ZNF608: variants seen among roughly 807,000 people sequenced by gnomAD.
ZNF608 encodes renal carcinoma antigen NY-REN-36.
In ZNF608, 12 loss-of-function variants were observed where a neutral mutation model predicts 109.0. The ratio of observed to expected loss-of-function variants is 0.11; its 90% confidence interval spans 0.07 to 0.18. The LOEUF is 0.18. ZNF608 is among the 10% of genes least tolerant of loss of function. The pLI, the probability that ZNF608 is intolerant of heterozygous loss-of-function variation, is 1.00. For missense variants in ZNF608, 1,707 were observed against 1,879.3 expected (o/e 0.91, Z 1.70); for synonymous variants, 732 against 717.4 (o/e 1.02, Z -0.33).
Position 124,746,171 on chromosome 5 carries a change from TACAC to T in ZNF608, c.-184+20_-184+23del. 1.0e-6 allele frequency: 1 copy of T among 985,014 alleles called. No individual in the cohort carries two copies. The highest frequency in any genetic ancestry group is 1.2e-6 in the Non-Finnish European group (1 of 829,682). The allele number at this position is 985,014 out of a possible 1,614,324, so 61.0% of individuals were successfully genotyped here. A position where few individuals can be genotyped will look rare whatever the true frequency, so the allele number is the denominator to read the frequency against. ...AAATAAATATACATACACACACACA[TACAC>T]ACACACAGACATTGCTTACCTTTTA... On this transcript the variant is annotated intron_variant, in intron 1 of 9. Transcript: ENST00000513986.
rs192637990 is a variant in ZNF608 at position 124,647,273 on chromosome 5, A to G, written c.3111T>C (p.Asp1037=). The G allele has an allele frequency of 1.4e-5, 22 of 1,614,194 alleles. No individual in the cohort carries two copies. The East Asian group carries it at 4.5e-4, about 33-fold the overall frequency. The change falls in exon 5 of 10, where the codon GAT becomes GAC. Residue 1037 remains aspartate, a synonymous_variant. Coordinates refer to ENST00000513986, the MANE Select transcript of ZNF608 (RefSeq NM_020747.3). ...GCTCTGCCTTGTCTTTCTTTTCAGC[A>G]TCTTCCTCAGACTCCTTCTTGATCT... ...GMKIKKESEE[D]AEKKDKAEQL... is the part of the protein sequence containing the mutation.
rs1294340633 is a variant in ZNF608, at chr5:124,644,459, G to C, written c.3908C>G (p.Ser1303Cys). The C allele has an allele frequency of 1.9e-6, 3 of 1,613,988 alleles. No homozygotes were observed. In the African/African-American group the frequency reaches 4.0e-5, roughly 22 times the overall value. Residue 1303 changes from serine to cysteine, a missense_variant, in exon 6 of 10, where the codon TCT (serine) becomes TGT (cysteine). By Grantham distance (112) the Ser-to-Cys change is moderately radical. Coordinates refer to ENST00000513986, the MANE Select transcript of ZNF608 (RefSeq NM_020747.3). ...CAGCTTGCTCTCCTCCATTGATTGAGAATCAGGATGCTTGGCCTCTTTGGG... is the reference window on the plus strand; with the variant it reads ...CAGCTTGCTCTCCTCCATTGATTGACAATCAGGATGCTTGGCCTCTTTGGG... ...EEPKEAKHPD[S>C]QSMEESKLKN...
rs115023872 is a variant in ZNF608, at chr5:124,663,693, C to T, written c.1163-13996G>A. On this transcript the variant is annotated intron_variant, in intron 3 of 9. Coordinates refer to ENST00000513986, the MANE Select transcript of ZNF608 (RefSeq NM_020747.3). ...ATGAATTAGTATATATGAATTAGTG[C>T]ACACTTTCCCAAACCGGTGAGCAGA... is the stretch of plus-strand genomic sequence containing the variant. 2.9e-3 allele frequency among the ~76,000 whole-genome samples: 434 copies of T among 152,276 alleles called. 3 individuals are homozygous for T. The highest frequency in any genetic ancestry group is 8.7e-3 in the African/African-American group (360 of 41,544).
chr5:124,694,420 G>A (rs1752759162), intron 3 of ZNF608, among the ~76,000 whole-genome samples: 1 of 151,912 alleles, frequency 6.6e-6, no homozygotes, highest in Admixed American at 6.6e-5. Flanking sequence ...AACTAAGATG[G>A]TATATGGTCC....
chr5:124,647,190 G>A lies in ZNF608; in HGVS notation c.3194C>T (p.Ser1065Leu), dbSNP rs202030130. Residue 1065 changes from serine (S) to leucine (L), a missense_variant, in exon 5 of 10, where the codon TCG (serine) becomes TTG (leucine). Physicochemically the swap from Ser to Leu is moderately radical, Grantham distance 145 (BLOSUM62 -2). Coordinates refer to ENST00000513986, the MANE Select transcript of ZNF608 (RefSeq NM_020747.3). ...GGCAGGATGTCTTTGTGTGATCACC[G>A]ACTGGTGCTGAGGCTGTAAGGATGC... ...NSASLQPQHQSVITQRHPALA... is the reference protein window; with the variant it reads ...NSASLQPQHQLVITQRHPALA... 26 of 1,614,160 alleles carry A rather than the reference G, an allele frequency of 1.6e-5. No homozygotes were observed. Among genetic ancestry groups the A allele is most frequent in the East Asian group, 4.5e-5 (2 of 44,878 alleles).
intron 3 of ZNF608, among the ~76,000 whole-genome samples, chr5:124,670,980 T>C (rs1027571699): frequency 6.6e-6 from 1 of 152,238 alleles, no homozygotes; most frequent in Non-Finnish European, 1.5e-5. Context: ...AGACTTGATA[T>C]GTAGAGCTGT....
chr5:124,693,257 G>A (rs1303394233), intron 3 of ZNF608, among the ~76,000 whole-genome samples: 1 of 152,084 alleles, frequency 6.6e-6, no homozygotes, highest in African/African-American at 2.4e-5. Context: ...ATTCTTTGCA[G>A]CCAATGAGAC....
chr5:124,649,909 C>G (rs537909459), intron 3 of ZNF608, among the ~76,000 whole-genome samples: 1 of 152,176 alleles, frequency 6.6e-6, no homozygotes, highest in South Asian at 2.1e-4. Context: ...CGTGCGCGTG[C>G]GCATGTGGTA....
chr5:124,646,921 T>G lies in ZNF608; in HGVS notation c.3463A>C (p.Lys1155Gln). 6.2e-7 allele frequency: 1 copy of G among 1,613,938 alleles called. No individual in the cohort carries two copies. The highest frequency in any genetic ancestry group is 8.5e-7 in the Non-Finnish European group (1 of 1,179,968). Residue 1155 changes from lysine to glutamine, a missense_variant, in exon 5 of 10, where the codon AAA becomes CAA. This residue lies in a region of ZNF608 where 1,073 missense variants were observed against 1,133.5 expected (regional missense o/e 0.95). Coordinates refer to ENST00000513986, the MANE Select transcript of ZNF608 (RefSeq NM_020747.3). ...QKNMPSATISKAPSTPEPNKN... is the reference protein window; with the variant it reads ...QKNMPSATISQAPSTPEPNKN... ...TTAGGCTCCGGAGTAGAGGGAGCTT[T>G]TGAGATTGTGGCCGATGGCATATTT...
At chr5:124,743,734 A>G (rs1352948502) in intron 2 of ZNF608, among the ~76,000 whole-genome samples, 1 of 152,172 alleles carries the variant, frequency 6.6e-6, no homozygotes, top group Non-Finnish European at 1.5e-5. Context: ...AGGGTGCATG[A>G]GCAGGTTTTC....
At chr5:124,677,057 T>TCTCC (rs1751976663) in intron 3 of ZNF608, among the ~76,000 whole-genome samples, 1 of 152,248 alleles carries the variant, frequency 6.6e-6, no homozygotes, top group Non-Finnish European at 1.5e-5. Flanking sequence ...TTGTTTCTTA[T>TCTCC]ATCTTATGCA....
At chr5:124,722,592 C>T (rs542067352) in intron 2 of ZNF608, among the ~76,000 whole-genome samples, 1 of 148,884 alleles carries the variant, frequency 6.7e-6, no homozygotes, top group Admixed American at 6.6e-5. Context: ...CACACACACA[C>T]ACACACACAC....
intron 2 of ZNF608, among the ~76,000 whole-genome samples, chr5:124,731,596 C>T (rs1416826127): frequency 6.6e-6 from 1 of 151,884 alleles, no homozygotes; most frequent in Non-Finnish European, 1.5e-5. Flanking sequence ...GAGGCTGAGG[C>T]GGGCAGATTA....
intron 2 of ZNF608, among the ~76,000 whole-genome samples, chr5:124,703,722 C>A (rs1285944227): frequency 6.6e-6 from 1 of 152,198 alleles, no homozygotes. Context: ...GAGCTATGAT[C>A]ATGCCATGGC....
At chr5:124,712,030 C>G (rs999711952) in intron 2 of ZNF608, among the ~76,000 whole-genome samples, 1 of 152,070 alleles carries the variant, frequency 6.6e-6, no homozygotes, top group South Asian at 2.1e-4. Flanking sequence ...GCCTATAATC[C>G]CAGGTACTCG....
chr5:124,733,657 A>C (rs1749013941), intron 2 of ZNF608, among the ~76,000 whole-genome samples: 1 of 152,130 alleles, frequency 6.6e-6, no homozygotes, highest in South Asian at 2.1e-4. Flanking sequence ...CTACAGGGCC[A>C]CTAATTTTTT....
chr5:124,703,349 G>C (rs1753132690), intron 2 of ZNF608, among the ~76,000 whole-genome samples: 1 of 152,096 alleles, frequency 6.6e-6, no homozygotes, highest in Non-Finnish European at 1.5e-5. Context: ...GAACACAATG[G>C]GGCAATGACA....
At chr5:124,683,991 C>G (rs771711856) in intron 3 of ZNF608, among the ~76,000 whole-genome samples, 1 of 152,124 alleles carries the variant, frequency 6.6e-6, no homozygotes, top group South Asian at 2.1e-4. Context: ...AAATGTCAGT[C>G]TACTCAAACC....
At chr5:124,729,523 C>T (rs1405985798) in intron 2 of ZNF608, among the ~76,000 whole-genome samples, 1 of 152,168 alleles carries the variant, frequency 6.6e-6, no homozygotes, top group Non-Finnish European at 1.5e-5. Flanking sequence ...ATAGTAAATC[C>T]TTAAACATTA....
Sources: allele counts gnomAD v4.1 joint callset (sites outside exome capture counted in the v4.1 genomes callset), GRCh38; gene constraint gnomAD v4.1.1; regional missense constraint gnomAD v4.1.1; transcripts MANE v1.5; gene names NCBI Gene and HGNC (gene_info 2026-07-23, HGNC 2026-07-21).